CAGE1: variants seen among roughly 807,000 people sequenced by gnomAD.
The protein encoded by CAGE1 is cancer antigen 1.
A neutral mutation model predicts 94.9 loss-of-function variants in CAGE1; 66 were observed. The ratio of observed to expected loss-of-function variants is 0.70; its 90% CI spans 0.57 to 0.85. The LOEUF (loss-of-function observed/expected upper bound fraction) is 0.85. CAGE1 is among the 40% of genes least tolerant of loss of function. The probability of loss-of-function intolerance (pLI) is 0.00; values close to 1 mark genes in which losing one functional copy is unlikely to be tolerated. For missense variants in CAGE1, 865 were observed against 950.4 expected (o/e 0.91, Z 1.18); for synonymous variants, 319 against 321.0 (o/e 0.99, Z 0.07).
chr6:7,385,965 A>G, intron 2 of CAGE1, 93 bp from the exon 3 acceptor site: 1 of 631,244 alleles, frequency 1.6e-6, no homozygotes. Flanking sequence ...CTGCTATTAG[A>G]ATATTTCATT....
Position 7,368,720 on chromosome 6 carries a change from G to A in CAGE1, c.1972C>T (p.Leu658Phe), listed in dbSNP as rs758572065. The A allele has an allele frequency of 7.1e-6, 11 of 1,543,662 alleles. No homozygotes were observed. In the Admixed American group the frequency reaches 7.9e-5, roughly 11 times the overall value. Residue 658 changes from leucine (L) to phenylalanine (F), a missense_variant, in exon 7 of 14, where the codon CTC becomes TTC. Transcript: ENST00000502583. ...TCTAAAGTTTTCTTTTTAAGATGGA[G>A]GCTCTTCAGTTTTTGCAGCATTATA... ...SDIMLQKLKS[L>F]HLKKKTLDKE...
chr6:7,335,076 G>GC (rs1561846779), intron 11 of CAGE1, among the ~76,000 whole-genome samples: 8 of 152,286 alleles, frequency 5.3e-5, no homozygotes, highest in African/African-American at 1.9e-4. Flanking sequence ...TCCTGAGGGG[G>GC]CTTGGCCCCA....
intron 9 of CAGE1, among the ~76,000 whole-genome samples, chr6:7,356,420 T>C (rs771630125): frequency 3.9e-5 from 6 of 152,170 alleles, no homozygotes; most frequent in Non-Finnish European, 7.4e-5. Context: ...CAGCCCCAAA[T>C]CTTCCTTATC....
rs1014110154 is a variant in CAGE1, at chr6:7,370,801, T to C, written c.1747-736A>G. On this transcript the variant is annotated intron_variant, in intron 5 of 13. Transcript: ENST00000502583. ...TCATGTAGCTTCTGGAAAACTCCAC[T>C]GTACACTTGTGAAAAATGAGAGTAA... 5.9e-5 allele frequency among the ~76,000 whole-genome samples: 9 copies of C among 152,256 alleles called. 2 individuals are homozygous for C. The South Asian group carries it at 1.2e-3, about 21-fold the overall frequency.
At chr6:7,367,504 G>A (rs1479341460) in intron 7 of CAGE1, among the ~76,000 whole-genome samples, 1 of 151,874 alleles carries the variant, frequency 6.6e-6, no homozygotes, top group Admixed American at 6.6e-5. Flanking sequence ...CAAACTCCTG[G>A]GCTCAGGCCA....
chr6:7,341,232 G>A, intron 11 of CAGE1: 1 of 679,142 alleles, frequency 1.5e-6, no homozygotes, highest in Non-Finnish European at 2.7e-6. Context: ...CAGAGATACT[G>A]TGGAGGTAGC....
At position 7,362,199 on chromosome 6, in the gene CAGE1, G is replaced by A. The variant is rs903650402; in HGVS notation, c.2193+3269C>T. 6.6e-6 allele frequency among the ~76,000 whole-genome samples: 1 copy of A among 152,198 alleles called. No homozygotes were observed. Among genetic ancestry groups the A allele is most frequent in the African/African-American group, 2.4e-5 (1 of 41,448 alleles). On this transcript the variant is annotated intron_variant, in intron 9 of 13. Coordinates refer to ENST00000502583, the MANE Select transcript of CAGE1 (RefSeq NM_001170692.2). This position sits in a 1 kb window ranked among gnomAD's most constrained non-coding sequence, Gnocchi z 4.1. ...TAAATGTTTTACGTAATATATGATT[G>A]CCATATTGAAGTGGTATGTTTTAGG... is the stretch of plus-strand genomic sequence containing the variant.
At chr6:7,329,180 G>T (rs111939589) in intron 13 of CAGE1, 2 of 396,704 alleles carry the variant, frequency 5.0e-6, no homozygotes, top group Non-Finnish European at 4.5e-6. Context: ...TGATCCACCC[G>T]CCTCGGCCTC....
At chr6:7,346,393 A>G (rs1759537812) in intron 11 of CAGE1, among the ~76,000 whole-genome samples, 1 of 151,706 alleles carries the variant, frequency 6.6e-6, no homozygotes, top group Non-Finnish European at 1.5e-5. Flanking sequence ...TGTTTCTAAA[A>G]TAAATAAAAG....
intron 11 of CAGE1, among the ~76,000 whole-genome samples, chr6:7,353,445 T>C (rs969110599): frequency 6.6e-6 from 1 of 152,160 alleles, no homozygotes; most frequent in African/African-American, 2.4e-5. Flanking sequence ...CTGGTGGGAA[T>C]GTAAACTAGA....
chr6:7,375,686 A>G (rs1221740480), intron 4 of CAGE1, among the ~76,000 whole-genome samples: 1 of 152,168 alleles, frequency 6.6e-6, no homozygotes, highest in Admixed American at 6.5e-5. Flanking sequence ...ACTGCTCTCC[A>G]ATCTGAGTAA....
chr6:7,379,170 GT>G, intron 3 of CAGE1, 150 bp from the exon 4 acceptor site: 1 of 543,834 alleles, frequency 1.8e-6, no homozygotes. Flanking sequence ...TTTTAGCATG[GT>G]TTTGTGCTAG....
At chr6:7,335,064 A>T (rs1758904818) in intron 11 of CAGE1, among the ~76,000 whole-genome samples, 1 of 152,184 alleles carries the variant, frequency 6.6e-6, no homozygotes, top group South Asian at 2.1e-4. Context: ...GGCCGTCCTC[A>T]TTCCTGAGGG....
intron 4 of CAGE1, 51 bp from the exon 5 acceptor site, chr6:7,374,182 G>T: frequency 1.4e-6 from 2 of 1,452,428 alleles, no homozygotes; most frequent in Non-Finnish European, 1.9e-6. Context: ...AAGATAATGA[G>T]CTTTCAAGTC....
intron 11 of CAGE1, among the ~76,000 whole-genome samples, chr6:7,337,164 T>C (rs1450142968): frequency 6.6e-6 from 1 of 151,694 alleles, no homozygotes; most frequent in Non-Finnish European, 1.5e-5. Flanking sequence ...CTACTAAAAA[T>C]ACAACCAAAA....
Position 7,326,913 on chromosome 6 carries a change from GA to G in CAGE1, c.2479-15del. On this transcript the variant is annotated splice_polypyrimidine_tract_variant and intron_variant, in intron 13 of 13. Transcript: ENST00000502583. ...AAGAGCTGGCATCTAAAAATGAAAG[GA>G]AAAATGTTTCGTAAGTTTTGGGGAA... The G allele has an allele frequency of 1.9e-6, 3 of 1,579,366 alleles. No homozygotes were observed. The highest frequency in any genetic ancestry group is 2.6e-6 in the Non-Finnish European group (3 of 1,149,458).
intron 7 of CAGE1, 95 bp from the exon 8 acceptor site, chr6:7,365,979 C>T (rs1760318852): frequency 5.4e-6 from 4 of 736,188 alleles, no homozygotes; most frequent in Non-Finnish European, 8.6e-6. Context: ...GGCGTAGTGG[C>T]TCATGCCTAT....
Position 7,334,048 on chromosome 6 carries a change from CT to C in CAGE1, c.2411del (p.Lys804SerfsTer14), listed in dbSNP as rs1324497160. 32 of 1,535,682 alleles carry C rather than the reference CT, an allele frequency of 2.1e-5. No homozygotes were observed. Among genetic ancestry groups the C allele is most frequent in the Non-Finnish European group, 2.7e-5 (31 of 1,134,104 alleles). On this transcript the variant is annotated frameshift_variant, in exon 12 of 14. Coordinates refer to ENST00000502583, the MANE Select transcript of CAGE1 (RefSeq NM_001170692.2). LOFTEE classifies it high-confidence loss of function. ...TTGGTTTTCTGGCTTTTTCTCTGGGCTTTCTAATTAAATCCTCTAAATGTTT... is the reference window on the plus strand; with the variant it reads ...TTGGTTTTCTGGCTTTTTCTCTGGGCTTCTAATTAAATCCTCTAAATGTTT... ...RNKHLEDLIR[K>X]PREKARKPRS...
chr6:7,333,048 TC>T (rs1758811456), intron 12 of CAGE1, among the ~76,000 whole-genome samples: 1 of 152,102 alleles, frequency 6.6e-6, no homozygotes, highest in African/African-American at 2.4e-5. Context: ...CCTCCCGGGT[TC>T]AAGCGATTCT....
Sources: gnomAD v4.1 joint callset for allele counts (sites outside exome capture counted in the v4.1 genomes callset) on GRCh38, gnomAD v4.1.1 for gene constraint, Gnocchi (gnomAD v3.1) non-coding constraint, MANE v1.5 for transcripts, NCBI Gene and HGNC (gene_info 2026-07-23, HGNC 2026-07-21) for gene names.